The following DOCK1 variants were observed in gnomAD, a reference collection of about 807,000 sequenced individuals.
DOCK1 encodes dedicator of cytokinesis 1, also known as dedicator of cytokinesis protein 1.
DOCK1 carries 138 observed loss-of-function variants against 262.7 expected under a neutral mutation model. That is an observed-to-expected ratio of 0.53 (90% CI 0.46 to 0.61). DOCK1 has a LOEUF of 0.61. DOCK1 is among the 20% of genes least tolerant of loss of function. The probability of loss-of-function intolerance (pLI) is 0.00; values close to 1 mark genes in which losing one functional copy is unlikely to be tolerated. For synonymous variants in DOCK1, 866 were observed against 867.4 expected (o/e 1.00, Z 0.03); for missense variants, 1,908 against 2,370.7 (o/e 0.80, Z 4.05).
intron 30 of DOCK1, among the ~76,000 whole-genome samples, chr10:127,340,421 C>T (rs1229916627): frequency 1.3e-5 from 2 of 152,204 alleles, no homozygotes; most frequent in African/African-American, 2.4e-5. Flanking sequence ...TTAACATGAA[C>T]TGGATCATAC....
At chr10:127,416,310 C>T (rs906480165) in intron 44 of DOCK1, among the ~76,000 whole-genome samples, 1 of 152,246 alleles carries the variant, frequency 6.6e-6, no homozygotes, top group Non-Finnish European at 1.5e-5. Context: ...TAAAAATGCA[C>T]TCCCTTTGCT....
chr10:127,288,962 A>G (rs2061258377), intron 29 of DOCK1, among the ~76,000 whole-genome samples: 1 of 152,082 alleles, frequency 6.6e-6, no homozygotes, highest in Admixed American at 6.6e-5. Flanking sequence ...GATATTTAGG[A>G]TAATTTTATT....
chr10:127,369,119 C>T (rs945623624), intron 33 of DOCK1, among the ~76,000 whole-genome samples: 2 of 152,208 alleles, frequency 1.3e-5, no homozygotes, highest in African/African-American at 2.4e-5. Context: ...TCTCTTCACA[C>T]TGCCCATGCC....
intron 22 of DOCK1, among the ~76,000 whole-genome samples, chr10:127,056,723 T>C (rs917462132): frequency 2.6e-5 from 4 of 152,144 alleles, no homozygotes; most frequent in African/African-American, 9.7e-5. Flanking sequence ...TCTCTGAACG[T>C]TTCCTGAATG....
At chr10:127,026,943 G>T (rs149767710) in intron 16 of DOCK1, among the ~76,000 whole-genome samples, 260 of 152,326 alleles carry the variant, frequency 1.7e-3, no homozygotes, top group African/African-American at 6.1e-3. Flanking sequence ...ATTTATTATT[G>T]ATGACTGAAA....
At chr10:126,948,602 A>T (rs2035838348) in intron 1 of DOCK1, among the ~76,000 whole-genome samples, 2 of 151,954 alleles carry the variant, frequency 1.3e-5, no homozygotes, top group Non-Finnish European at 2.9e-5. Flanking sequence ...AAAATGCTCC[A>T]GGCCACAGAT....
chr10:127,003,787 C>G (rs1459655276), intron 10 of DOCK1, among the ~76,000 whole-genome samples: 1 of 152,058 alleles, frequency 6.6e-6, no homozygotes, highest in Non-Finnish European at 1.5e-5. Context: ...AACCTCCTAT[C>G]TACGAAAAAT....
rs2070549959 is a variant in DOCK1 at position 127,446,299 on chromosome 10, G to A, written c.5414-1095G>A. On this transcript the variant is annotated intron_variant, in intron 50 of 51. Coordinates refer to ENST00000623213, the MANE Select transcript of DOCK1 (RefSeq NM_001290223.2). The surrounding 1 kb of genome is among the most constrained non-coding windows in gnomAD (Gnocchi z 4.4). Reference sequence around the variant, plus strand: ...AAGAAAGTAGAATAGAGGATACTAGGGGCGGGAGAGAGGAGTGGAGAGTTA... The same window carrying A: ...AAGAAAGTAGAATAGAGGATACTAGAGGCGGGAGAGAGGAGTGGAGAGTTA... Among the ~76,000 whole-genome samples the A allele has an allele frequency of 6.6e-6, 1 of 152,056 alleles. No homozygotes were observed. Among genetic ancestry groups the A allele is most frequent in the Non-Finnish European group, 1.5e-5 (1 of 68,004 alleles).
At chr10:127,114,481 A>G (rs1034018307) in intron 25 of DOCK1, among the ~76,000 whole-genome samples, 3 of 152,160 alleles carry the variant, frequency 2.0e-5, no homozygotes, top group Admixed American at 6.5e-5. Context: ...GAGAGGGAGA[A>G]GAGTGAGAGA....
At chr10:127,190,168 A>G (rs2056612640) in intron 27 of DOCK1, among the ~76,000 whole-genome samples, 1 of 152,122 alleles carries the variant, frequency 6.6e-6, no homozygotes, top group Admixed American at 6.5e-5. Context: ...TTCTCTAAAA[A>G]CTCAACTTCT....
intron 27 of DOCK1, among the ~76,000 whole-genome samples, chr10:127,173,764 G>A (rs2054805401): frequency 6.6e-6 from 1 of 152,128 alleles, no homozygotes; most frequent in Non-Finnish European, 1.5e-5. Flanking sequence ...GATGAGTGTT[G>A]CTTTTGGATC....
At chr10:127,232,074 C>G (rs1216387322) in intron 27 of DOCK1, among the ~76,000 whole-genome samples, 3 of 151,612 alleles carry the variant, frequency 2.0e-5, no homozygotes, top group East Asian at 2.0e-4. Flanking sequence ...AGGAAGTGAG[C>G]CAGGTGGTCA....
chr10:127,338,812 A>G (rs1390274278), intron 29 of DOCK1, among the ~76,000 whole-genome samples, 194 bp from the exon 30 acceptor site: 1 of 152,006 alleles, frequency 6.6e-6, no homozygotes, highest in East Asian at 1.9e-4. Flanking sequence ...GCATGTGCTA[A>G]TTTCCTTGAT....
At chr10:127,114,891 G>A (rs2049085969) in intron 25 of DOCK1, among the ~76,000 whole-genome samples, 1 of 151,828 alleles carries the variant, frequency 6.6e-6, no homozygotes, top group Non-Finnish European at 1.5e-5. Context: ...TGAGTAGCTG[G>A]TACTACAGGC....
chr10:126,981,700 T>C (rs942521264), intron 3 of DOCK1, among the ~76,000 whole-genome samples: 18 of 152,224 alleles, frequency 1.2e-4, no homozygotes, highest in African/African-American at 4.3e-4. Context: ...TTTGCAAGTG[T>C]GTTGCCTGTT....
intron 27 of DOCK1, among the ~76,000 whole-genome samples, chr10:127,192,968 G>A (rs565065895): frequency 3.3e-5 from 5 of 152,268 alleles, no homozygotes; most frequent in Admixed American, 2.0e-4. Context: ...GTTAGCTCCA[G>A]TATTGGAATA....
chr10:127,152,620 G>C (rs1307866734), intron 27 of DOCK1, among the ~76,000 whole-genome samples: 1 of 152,216 alleles, frequency 6.6e-6, no homozygotes, highest in Non-Finnish European at 1.5e-5. Flanking sequence ...TGTGGGGGTT[G>C]CCCTGTGCAG....
chr10:127,225,091 C>T (rs2058586621), intron 27 of DOCK1, among the ~76,000 whole-genome samples: 1 of 152,112 alleles, frequency 6.6e-6, no homozygotes, highest in Admixed American at 6.6e-5. Flanking sequence ...CTCTTCCTGC[C>T]AGGAAACCTG....
chr10:127,397,740 ACTCCTGTATGACACGGGCAGCG>A (rs1565059062), intron 38 of DOCK1, among the ~76,000 whole-genome samples: 1 of 99,132 alleles, frequency 1.0e-5, no homozygotes, highest in Admixed American at 1.2e-4. Context: ...CCGGGCAGCG[ACTCCTGTATGACACGGGCAGCG>A]ACTCCTGTAT....
Sources: gnomAD v4.1 joint callset for allele counts (sites outside exome capture counted in the v4.1 genomes callset) on GRCh38, gnomAD v4.1.1 for gene constraint, Gnocchi (gnomAD v3.1) non-coding constraint, MANE v1.5 for transcripts, NCBI Gene and HGNC (gene_info 2026-07-23, HGNC 2026-07-21) for gene names.